MDGA2: variants seen among roughly 807,000 people sequenced by gnomAD.
MDGA2 encodes the protein MAM domain containing glycosylphosphatidylinositol anchor 2, also known as MAM domain-containing glycosylphosphatidylinositol anchor protein 2.
A neutral mutation model predicts 117.8 loss-of-function variants in MDGA2; 40 were observed. The ratio of observed to expected loss-of-function variants is 0.34; its 90% CI spans 0.26 to 0.44. The LOEUF is 0.44. Among genes scored for constraint, MDGA2 ranks in the 20% least tolerant of loss-of-function variants. MDGA2 has a pLI of 1.00. For synonymous variants in MDGA2, 452 were observed against 439.0 expected (o/e 1.03, Z -0.37); for missense variants, 1,123 against 1,250.6 (o/e 0.90, Z 1.54).
At chr14:46,985,075 G>C (rs1474946941) in intron 8 of MDGA2, among the ~76,000 whole-genome samples, 1 of 152,036 alleles carries the variant, frequency 6.6e-6, no homozygotes, top group Non-Finnish European at 1.5e-5. Flanking sequence ...GACATGGAAA[G>C]AGAACTCTCC....
Position 47,105,057 on chromosome 14 carries a change from C to T in MDGA2, c.926-7934G>A, listed in dbSNP as rs933147347. On this transcript the variant is annotated intron_variant, in intron 5 of 16. Coordinates refer to ENST00000399232, the MANE Select transcript of MDGA2 (RefSeq NM_001113498.3). ...CCTTGGTGTTTAATCATTGCAGGGA[C>T]GCCTCTCTGATTATACACTCACGTT... 8.0e-4 allele frequency among the ~76,000 whole-genome samples: 122 copies of T among 152,220 alleles called. 2 individuals are homozygous for T. The highest frequency in any genetic ancestry group is 2.4e-3 in the African/African-American group (101 of 41,536).
rs181504200 is a variant in MDGA2, at chr14:47,647,376, G to C, written c.280+27141C>G. Among the ~76,000 whole-genome samples the C allele has an allele frequency of 1.7e-4, 26 of 151,914 alleles. 1 individual carries two copies. Among genetic ancestry groups the C allele is most frequent in the African/African-American group, 5.6e-4 (23 of 41,420 alleles). ...TGAATCTTTGTAATGTCATCCTTGG[G>C]ATGACTTTTCCTTATAATAGTAGGC... is the stretch of plus-strand genomic sequence containing the variant. On this transcript the variant is annotated intron_variant, in intron 1 of 16. Transcript: ENST00000399232.
intron 1 of MDGA2, among the ~76,000 whole-genome samples, chr14:47,364,014 A>AGTT (rs1213380218): frequency 4.6e-5 from 7 of 152,182 alleles, no homozygotes; most frequent in African/African-American, 1.7e-4. Context: ...GCTTATTAAA[A>AGTT]GTTATGTGTT....
intron 1 of MDGA2, among the ~76,000 whole-genome samples, chr14:47,476,723 C>T (rs181737576): frequency 1.3e-5 from 2 of 152,034 alleles, no homozygotes; most frequent in East Asian, 1.9e-4. Context: ...TATGGACATA[C>T]GTGTATGGGT....
intron 9 of MDGA2, among the ~76,000 whole-genome samples, chr14:46,925,879 A>T (rs1425688762): frequency 1.3e-5 from 2 of 151,992 alleles, no homozygotes; most frequent in African/African-American, 4.8e-5. Flanking sequence ...AAAGAGAAGA[A>T]ATAAAGCATG....
At chr14:47,509,125 G>C (rs1329416132) in intron 1 of MDGA2, among the ~76,000 whole-genome samples, 2 of 152,156 alleles carry the variant, frequency 1.3e-5, no homozygotes, top group Non-Finnish European at 2.9e-5. Context: ...GAAAGTAGCT[G>C]CCATTTGTAC....
At chr14:46,940,899 T>C (rs1016835912) in intron 9 of MDGA2, among the ~76,000 whole-genome samples, 38 of 152,144 alleles carry the variant, frequency 2.5e-4, no homozygotes, top group Admixed American at 2.3e-3. Context: ...TTCAAGTGAG[T>C]TGGAGAGAAG....
chr14:47,335,478 G>A (rs1890416382), intron 1 of MDGA2, among the ~76,000 whole-genome samples: 1 of 151,122 alleles, frequency 6.6e-6, no homozygotes, highest in East Asian at 2.0e-4. Context: ...CTGAGAGGGA[G>A]GGATCCTGAG....
chr14:46,973,262 T>A (rs573448619), intron 8 of MDGA2, among the ~76,000 whole-genome samples: 20 of 152,252 alleles, frequency 1.3e-4, no homozygotes, highest in African/African-American at 4.6e-4. Context: ...TCATAGACCT[T>A]AGTATTTACT....
At chr14:47,281,037 A>G (rs1294663750) in intron 2 of MDGA2, among the ~76,000 whole-genome samples, 1 of 147,952 alleles carries the variant, frequency 6.8e-6, no homozygotes, top group Non-Finnish European at 1.5e-5. Context: ...TATAATTAAT[A>G]TAATATAAAA....
intron 6 of MDGA2, among the ~76,000 whole-genome samples, chr14:47,078,059 A>G (rs1890561454): frequency 6.6e-6 from 1 of 151,992 alleles, no homozygotes; most frequent in African/African-American, 2.4e-5. Flanking sequence ...AGGAAATATG[A>G]TATAATATGA....
At chr14:47,158,362 GGGT>G (rs1566656131) in intron 3 of MDGA2, among the ~76,000 whole-genome samples, 6 of 119,608 alleles carry the variant, frequency 5.0e-5, no homozygotes, top group African/African-American at 1.9e-4. Flanking sequence ...TCCCTGGGGT[GGGT>G]GTGTGTGTGT....
In MDGA2 at chr14:47,531,198, T is replaced by C. The variant is rs185812239; in HGVS notation, c.280+143319A>G. Among the ~76,000 whole-genome samples the C allele has an allele frequency of 6.0e-4, 92 of 152,228 alleles. 1 individual carries two copies. The highest frequency in any genetic ancestry group is 2.1e-3 in the African/African-American group (87 of 41,544). ...AGGCAGAGCTTGCAGTGAGCCAAGA[T>C]CATGCCACTGCACTCCAGCCTGGGC... On this transcript the variant is annotated intron_variant, in intron 1 of 16. Transcript: ENST00000399232.
At chr14:47,522,717 G>A (rs192860376) in intron 1 of MDGA2, among the ~76,000 whole-genome samples, 4 of 152,244 alleles carry the variant, frequency 2.6e-5, no homozygotes, top group Admixed American at 2.6e-4. Flanking sequence ...ATTACATTCA[G>A]AAGTTTATCC....
intron 3 of MDGA2, among the ~76,000 whole-genome samples, chr14:47,211,939 C>T (rs1885898920): frequency 6.6e-6 from 1 of 152,054 alleles, no homozygotes; most frequent in Non-Finnish European, 1.5e-5. Context: ...GTCACTTTGT[C>T]TTCTTAAGTA....
chr14:47,090,670 C>G (rs1045015235), intron 6 of MDGA2, among the ~76,000 whole-genome samples: 1 of 152,104 alleles, frequency 6.6e-6, no homozygotes, highest in Non-Finnish European at 1.5e-5. Context: ...GAATGGAATA[C>G]AATAATGATA....
intron 9 of MDGA2, among the ~76,000 whole-genome samples, chr14:46,932,929 A>G (rs937306658): frequency 1.3e-5 from 2 of 152,120 alleles, no homozygotes; most frequent in Admixed American, 1.3e-4. Flanking sequence ...TAAGGTTGTA[A>G]GCAATAAGAT....
At chr14:47,560,925 T>C (rs1016810524) in intron 1 of MDGA2, among the ~76,000 whole-genome samples, 1 of 152,186 alleles carries the variant, frequency 6.6e-6, no homozygotes, top group African/African-American at 2.4e-5. Context: ...TAGCCAATTA[T>C]CCCAGCATCA....
At chr14:47,423,853 C>T (rs1389727238) in intron 1 of MDGA2, among the ~76,000 whole-genome samples, 1 of 151,558 alleles carries the variant, frequency 6.6e-6, no homozygotes, top group Non-Finnish European at 1.5e-5. Flanking sequence ...GTTCTGTCAC[C>T]CAGGCTGAAG....
Sources: allele counts gnomAD v4.1 joint callset (sites outside exome capture counted in the v4.1 genomes callset), GRCh38; gene constraint gnomAD v4.1.1; transcripts MANE v1.5; gene names NCBI Gene and HGNC (gene_info 2026-07-23, HGNC 2026-07-21).